MTCL1: variants seen among roughly 807,000 people sequenced by gnomAD.
MTCL1 encodes microtubule crosslinking factor 1.
A neutral mutation model predicts 141.4 loss-of-function variants in MTCL1; 79 were observed. The ratio of observed to expected loss-of-function variants is 0.56; its 90% CI spans 0.47 to 0.67. The LOEUF (loss-of-function observed/expected upper bound fraction) is 0.67, where lower values mean the gene tolerates loss of function less well. Ranked by LOEUF, MTCL1 falls within the 30% of genes least tolerant of loss-of-function variation. The pLI is 0.00. For synonymous variants in MTCL1, 914 were observed against 875.8 expected, an observed-to-expected ratio of 1.04 and a Z score of -0.77; for missense variants, 2,177 against 2,113.9, an observed-to-expected ratio of 1.03 and a Z score of -0.59.
At chr18:8,772,011 G>T (rs1405550894) in intron 4 of MTCL1, among the ~76,000 whole-genome samples, 7 of 152,230 alleles carry the variant, frequency 4.6e-5, no homozygotes, top group African/African-American at 1.7e-4. Flanking sequence ...TCCTGCACCC[G>T]TGGACACTTC....
In MTCL1 at chr18:8,810,389, C is replaced by G. The variant is rs148412820; in HGVS notation, c.2605-2590C>G. Reference sequence around the variant, plus strand: ...CCTCAGTAGGCAGGGGGATTGGGCTCTAAGCATTGAGGGGAGGGGTGACCC... The same window carrying G: ...CCTCAGTAGGCAGGGGGATTGGGCTGTAAGCATTGAGGGGAGGGGTGACCC... On this transcript the variant is annotated intron_variant, in intron 11 of 16. Coordinates refer to ENST00000359865, the Ensembl canonical transcript of MTCL1. This position sits in a 1 kb window ranked among gnomAD's most constrained non-coding sequence, Gnocchi z 5.0. Among the ~76,000 whole-genome samples the G allele has an allele frequency of 1.3e-5, 2 of 152,174 alleles. No individual in the cohort carries two copies. The highest frequency in any genetic ancestry group is 4.8e-5 in the African/African-American group (2 of 41,516).
At position 8,706,722 on chromosome 18, in the gene MTCL1, C is replaced by G. The variant is rs775624561; in HGVS notation, c.1053+9C>G. 1.6e-4 allele frequency: 244 copies of G among 1,544,446 alleles called. 1 individual carries two copies. Among genetic ancestry groups the G allele is most frequent in the Non-Finnish European group, 2.1e-4 (236 of 1,145,950 alleles). The stretch of plus-strand genomic sequence containing the variant: ...AGAACGACTATCTCAAGGTGAGCCG[C>G]GCCTCGGCCGCAGGTGTCCCGGGGC... On this transcript the variant is annotated intron_variant, in intron 1 of 13. Transcript: ENST00000306329.
chr18:8,827,448 C>T (rs80014146), intron 15 of MTCL1, among the ~76,000 whole-genome samples: 2,653 of 152,320 alleles, frequency 0.017, 38 homozygotes, highest in Middle Eastern at 0.058. Flanking sequence ...TGGTTCACAC[C>T]TAATACAAAT....
At chr18:8,784,342 G>T (rs1176765277) in exon 6 of MTCL1, 4 of 1,543,782 alleles carry the variant, frequency 2.6e-6, no homozygotes, top group African/African-American at 1.4e-5. Context: ...AGCGGGAAGG[G>T]CCTGTTGGCG....
rs1341576343 is a variant in MTCL1, at chr18:8,777,718, G to T, written c.358-115G>T. 5 of 823,166 alleles carry T rather than the reference G, an allele frequency of 6.1e-6. No individual in the cohort carries two copies. In the East Asian group the frequency reaches 1.3e-4, roughly 21 times the overall value. The allele number at this position is 823,166 out of a possible 1,614,324, so 51.0% of individuals were successfully genotyped here. On this transcript the variant is annotated intron_variant, in intron 4 of 16. Coordinates refer to ENST00000359865, the Ensembl canonical transcript of MTCL1. ...TTACACAAGTTGTTTCTTGATTCTG[G>T]TGGGAAACAGCCTCCGTTCAGTGTG...
chr18:8,766,467 A>C (rs951181756), intron 4 of MTCL1, among the ~76,000 whole-genome samples: 1 of 152,202 alleles, frequency 6.6e-6, no homozygotes, highest in Admixed American at 6.5e-5. Context: ...TGCAGACGAT[A>C]GCTTTAGCTG....
At chr18:8,808,015 A>C (rs981155817) in intron 11 of MTCL1, among the ~76,000 whole-genome samples, 1 of 151,944 alleles carries the variant, frequency 6.6e-6, no homozygotes, top group Non-Finnish European at 1.5e-5. Context: ...CAAAAAAAAA[A>C]AAAAAAAACT....
At chr18:8,708,245 C>T (rs1033396844) in intron 1 of MTCL1, among the ~76,000 whole-genome samples, 3 of 152,168 alleles carry the variant, frequency 2.0e-5, no homozygotes, top group African/African-American at 7.2e-5. Context: ...CAAATGACTG[C>T]TGTGCAAGGG....
chr18:8,784,024 C>T (rs756920488), exon 6 of MTCL1: 16 of 1,613,546 alleles, frequency 9.9e-6, no homozygotes, highest in Non-Finnish European at 1.1e-5. Context: ...AACTGACCCA[C>T]GAGCTCAGCA....
intron 10 of MTCL1, among the ~76,000 whole-genome samples, chr18:8,804,900 A>C (rs1371217768): frequency 6.6e-6 from 1 of 150,642 alleles, no homozygotes; most frequent in African/African-American, 2.4e-5. Context: ...GTGAGGTGGG[A>C]GGACTGCTTG....
chr18:8,732,934 A>G (rs1419960835), intron 4 of MTCL1, among the ~76,000 whole-genome samples: 1 of 152,274 alleles, frequency 6.6e-6, no homozygotes, highest in Non-Finnish European at 1.5e-5. Flanking sequence ...GGCATTCATC[A>G]GGCAGTTGGC....
At chr18:8,772,772 G>A (rs1286349630) in intron 4 of MTCL1, among the ~76,000 whole-genome samples, 1 of 151,740 alleles carries the variant, frequency 6.6e-6, no homozygotes, top group East Asian at 1.9e-4. Flanking sequence ...TGTATTATGA[G>A]CATTTCCTAT....
chr18:8,830,197 A>T lies in MTCL1; in HGVS notation c.*18+1233A>T. 4.1e-6 allele frequency: 4 copies of T among 985,630 alleles called. No individual in the cohort carries two copies. Among genetic ancestry groups the T allele is most frequent in the Non-Finnish European group, 4.8e-6 (4 of 830,100 alleles). The allele number at this position is 985,630 out of a possible 1,614,324, so 61.1% of individuals were successfully genotyped here. ...ACAGGAGCACCTTGGGTTAGTCTGC[A>T]TCTTGGTGGCTGGTGGCGCTGGTGG... On this transcript the variant is annotated intron_variant, in intron 16 of 16. Coordinates refer to ENST00000359865, the Ensembl canonical transcript of MTCL1. The surrounding 1 kb of genome is among the most constrained non-coding windows in gnomAD (Gnocchi z 6.4).
At chr18:8,754,291 G>A (rs1317280573) in intron 4 of MTCL1, among the ~76,000 whole-genome samples, 2 of 152,080 alleles carry the variant, frequency 1.3e-5, no homozygotes, top group Non-Finnish European at 2.9e-5. Context: ...GGCTGGTCTC[G>A]AACTCCTGGC....
At chr18:8,807,196 G>T (rs538027870) in intron 11 of MTCL1, 136 bp downstream of exon 10, 5 of 938,870 alleles carry the variant, frequency 5.3e-6, no homozygotes, top group Non-Finnish European at 7.8e-6. Flanking sequence ...GTGGCTGCTT[G>T]TGTCTCTTCT....
At chr18:8,768,113 G>A (rs2096467633) in intron 4 of MTCL1, among the ~76,000 whole-genome samples, 1 of 151,366 alleles carries the variant, frequency 6.6e-6, no homozygotes, top group Non-Finnish European at 1.5e-5. Context: ...TTTTCAAACA[G>A]ATAGCAAAAA....
intron 13 of MTCL1, among the ~76,000 whole-genome samples, chr18:8,820,275 T>C (rs1229181066): frequency 1.3e-5 from 2 of 151,996 alleles, no homozygotes; most frequent in East Asian, 3.9e-4. Flanking sequence ...CCAGGCGTGG[T>C]GGCGGGTGCC....
rs542038711 is a variant in MTCL1 at position 8,736,975 on chromosome 18, C to G, written c.357+16479C>G. Among the ~76,000 whole-genome samples, 5 of 152,240 alleles carry G rather than the reference C, an allele frequency of 3.3e-5. No individual in the cohort carries two copies. In the South Asian group the frequency reaches 1.0e-3, roughly 32 times the overall value. On this transcript the variant is annotated intron_variant, in intron 4 of 16. Transcript: ENST00000359865. ...TTTTTAAAGTTCCCTTGGATAAGCC[C>G]TATTATGCAAATATTCCTACCTGAG... is the stretch of plus-strand genomic sequence containing the variant.
chr18:8,795,766 G>A (rs2075894602), intron 8 of MTCL1, among the ~76,000 whole-genome samples: 1 of 152,164 alleles, frequency 6.6e-6, no homozygotes, highest in South Asian at 2.1e-4. Context: ...GTTCTCTTCT[G>A]TCGGGGCTGT....
Sources: gnomAD v4.1 joint callset for allele counts (sites outside exome capture counted in the v4.1 genomes callset) on GRCh38, gnomAD v4.1.1 for gene constraint, Gnocchi (gnomAD v3.1) non-coding constraint, MANE v1.5 for transcripts, NCBI Gene and HGNC (gene_info 2026-07-23, HGNC 2026-07-21) for gene names.